NFATC1: variants seen among roughly 807,000 people sequenced by gnomAD.
NFATC1 encodes the protein nuclear factor of activated T-cells, cytoplasmic 1.
Under a neutral mutation model 76.0 loss-of-function variants are expected in NFATC1, and 22 were observed. The observed-to-expected ratio is 0.29, with a 90% confidence interval of 0.21 to 0.41. The LOEUF is 0.41. Among genes scored for constraint, NFATC1 ranks in the 10% least tolerant of loss-of-function variants. NFATC1 has a pLI of 1.00. For synonymous variants in NFATC1, 704 were observed against 613.1 expected (o/e 1.15, Z -2.19); for missense variants, 1,357 against 1,337.7 (o/e 1.01, Z -0.23).
chr18:79,444,533 G>A lies in NFATC1; in HGVS notation c.1387-4249G>A, dbSNP rs776411774. 3.3e-4 allele frequency among the ~76,000 whole-genome samples: 50 copies of A among 150,954 alleles called. 1 individual carries two copies. Among genetic ancestry groups the A allele is most frequent in the East Asian group, 5.9e-4 (3 of 5,108 alleles). On this transcript the variant is annotated intron_variant, in intron 3 of 9. Coordinates refer to ENST00000427363, the MANE Select transcript of NFATC1 (RefSeq NM_001278669.2). ...CCCCAGGCCCCTCAGGCCCTTTCCC[G>A]CATCTGAAGGGGCCAGGGCAGGGCG...
Position 79,396,207 on chromosome 18 carries a change from C to CCCG in NFATC1, c.-7_-5dup, listed in dbSNP as rs565670974. ...TGTGCCTCCGCCCGCCGCTCCACTC[C>CCCG]CCGCCGCCGCCGCGCGGATGCCAAG... On this transcript the variant is annotated 5_prime_UTR_variant, in exon 1 of 10. Transcript: ENST00000427363. 1,184 of 1,470,272 alleles carry CCCG rather than the reference C, an allele frequency of 8.1e-4. 4 individuals carry two copies. The African/African-American group carries it at 0.015, about 18-fold the overall frequency. 91.1% of individuals were successfully genotyped at this position (1,470,272 alleles called of 1,614,324 possible). A position where few individuals can be genotyped will look rare whatever the true frequency, so the allele number is the denominator to read the frequency against.
chr18:79,438,233 T>C (rs2086849898), intron 3 of NFATC1, among the ~76,000 whole-genome samples: 1 of 152,250 alleles, frequency 6.6e-6, no homozygotes, highest in Admixed American at 6.5e-5. Context: ...TGCCGTGGAC[T>C]GCAGCCCCCT....
intron 3 of NFATC1, among the ~76,000 whole-genome samples, chr18:79,446,942 TG>T (rs2087231050): frequency 6.6e-6 from 1 of 152,216 alleles, no homozygotes; most frequent in Non-Finnish European, 1.5e-5. Context: ...ATGTCTCAGC[TG>T]GGACCTGGGT....
chr18:79,489,877 C>T (rs1002148733), intron 9 of NFATC1, among the ~76,000 whole-genome samples: 10 of 152,314 alleles, frequency 6.6e-5, no homozygotes, highest in East Asian at 5.8e-4. Flanking sequence ...TCGGGGTTAG[C>T]GTACGGCGCT....
rs895428798 is a variant in NFATC1 at position 79,524,370 on chromosome 18, GCCT to G, written c.2783-3153_2783-3151del. Among the ~76,000 whole-genome samples the G allele has an allele frequency of 6.6e-6, 1 of 152,224 alleles. No individual in the cohort carries two copies. Among genetic ancestry groups the G allele is most frequent in the African/African-American group, 2.4e-5 (1 of 41,456 alleles). On this transcript the variant is annotated intron_variant, in intron 9 of 9. Coordinates refer to ENST00000427363, the MANE Select transcript of NFATC1 (RefSeq NM_001278669.2). This position sits in a 1 kb window ranked among gnomAD's most constrained non-coding sequence, Gnocchi z 7.2. The stretch of plus-strand genomic sequence containing the variant: ...GCGGTGTGGATGGGTGGGCGGTACA[GCCT>G]CCTCTGCGGTTCGGTTGCTGTGCTG...
At chr18:79,418,578 G>A (rs1041891387) in intron 2 of NFATC1, among the ~76,000 whole-genome samples, 6 of 152,214 alleles carry the variant, frequency 3.9e-5, no homozygotes, top group African/African-American at 1.2e-4. Flanking sequence ...CGCAGCCTGT[G>A]GTGTCCTTGG....
At chr18:79,460,109 C>A (rs187331551) in intron 6 of NFATC1, among the ~76,000 whole-genome samples, 8 of 152,268 alleles carry the variant, frequency 5.3e-5, no homozygotes, top group African/African-American at 1.9e-4. Flanking sequence ...TCGGGCCTCC[C>A]GGGCTGGCAT....
chr18:79,523,656 T>C (rs564032236), intron 9 of NFATC1, among the ~76,000 whole-genome samples: 1 of 152,288 alleles, frequency 6.6e-6, no homozygotes, highest in South Asian at 2.1e-4. Flanking sequence ...ATTCCAGATG[T>C]GTATAGAGAG....
chr18:79,504,232 G>A (rs972666644), intron 9 of NFATC1, among the ~76,000 whole-genome samples: 3 of 150,268 alleles, frequency 2.0e-5, no homozygotes, highest in South Asian at 2.1e-4. Context: ...CTCGGCTTTC[G>A]ACGGGTGTTC....
intron 2 of NFATC1, among the ~76,000 whole-genome samples, chr18:79,424,956 T>A (rs2086249481): frequency 6.8e-6 from 1 of 147,914 alleles, no homozygotes; most frequent in African/African-American, 2.6e-5. Context: ...CCTCTCTGTG[T>A]CTGTCTCTCC....
intron 8 of NFATC1, among the ~76,000 whole-genome samples, chr18:79,478,877 T>C (rs1448316991): frequency 6.6e-6 from 1 of 152,176 alleles, no homozygotes; most frequent in Admixed American, 6.5e-5. Context: ...CCTCCGTGCC[T>C]TCCACGGAGG....
intron 6 of NFATC1, among the ~76,000 whole-genome samples, chr18:79,454,955 G>GT (rs1437730358): frequency 6.6e-6 from 1 of 152,002 alleles, no homozygotes; most frequent in Non-Finnish European, 1.5e-5. Context: ...GCACCTCTCT[G>GT]TACACGCGTG....
chr18:79,410,155 C>A lies in NFATC1; in HGVS notation c.128-248C>A. 1.3e-6 allele frequency: 1 copy of A among 759,186 alleles called. No homozygotes were observed. Among genetic ancestry groups the A allele is most frequent in the South Asian group, 1.4e-5 (1 of 72,994 alleles). The allele number at this position is 759,186 out of a possible 1,614,324, so 47.0% of individuals were successfully genotyped here. A position where few individuals can be genotyped will look rare whatever the true frequency, so the allele number is the denominator to read the frequency against. ...GAAGGACGTTCGGGGGCTTGTGCTG[C>A]TGTTAGGGGAGGAGGGGAGGTGGGC... On this transcript the variant is annotated intron_variant, in intron 1 of 9. Coordinates refer to ENST00000427363, the MANE Select transcript of NFATC1 (RefSeq NM_001278669.2). This position sits in a 1 kb window ranked among gnomAD's most constrained non-coding sequence, Gnocchi z 6.7.
intron 2 of NFATC1, among the ~76,000 whole-genome samples, chr18:79,431,682 C>T (rs1399238794): frequency 2.0e-5 from 3 of 151,980 alleles, no homozygotes; most frequent in Admixed American, 6.6e-5. Context: ...TGAGCCACTG[C>T]GACTGGCCTT....
chr18:79,467,614 A>G, intron 8 of NFATC1, 32 bp downstream of exon 8: 1 of 1,612,218 alleles, frequency 6.2e-7, no homozygotes, highest in Non-Finnish European at 8.5e-7. Flanking sequence ...TAAGCCGTGA[A>G]CATGAGCGCG....
At chr18:79,456,218 C>T (rs2087717655) in intron 6 of NFATC1, among the ~76,000 whole-genome samples, 1 of 152,236 alleles carries the variant, frequency 6.6e-6, no homozygotes, top group South Asian at 2.1e-4. Flanking sequence ...ACCACCGTGG[C>T]CTTGGCAGCT....
At chr18:79,467,428 C>T (rs376457537) in intron 7 of NFATC1, 22 bp from the exon 8 acceptor site, 24 of 1,563,028 alleles carry the variant, frequency 1.5e-5, no homozygotes, top group Non-Finnish European at 2.1e-5. Context: ...GATTGTGCCT[C>T]CTGTGTGCCC....
At chr18:79,512,883 C>T (rs187422102) in intron 9 of NFATC1, among the ~76,000 whole-genome samples, 1 of 152,364 alleles carries the variant, frequency 6.6e-6, no homozygotes, top group East Asian at 1.9e-4. Context: ...AAATAGCCTT[C>T]CCGTGTGAAT....
At chr18:79,484,447 T>C (rs2089436401) in intron 8 of NFATC1, among the ~76,000 whole-genome samples, 1 of 152,066 alleles carries the variant, frequency 6.6e-6, no homozygotes, top group Non-Finnish European at 1.5e-5. Flanking sequence ...TCTAAAACCT[T>C]AGCCTCCCTA....
Sources: gnomAD v4.1 joint callset for allele counts (sites outside exome capture counted in the v4.1 genomes callset) on GRCh38, gnomAD v4.1.1 for gene constraint, Gnocchi (gnomAD v3.1) non-coding constraint, MANE v1.5 for transcripts, NCBI Gene and HGNC (gene_info 2026-07-23, HGNC 2026-07-21) for gene names.